The following KDM1A variants were observed in gnomAD, a reference collection of about 807,000 sequenced individuals.
The protein encoded by KDM1A is lysine demethylase 1A, also known as lysine-specific histone demethylase 1A.
A neutral mutation model predicts 109.4 loss-of-function variants in KDM1A; 49 were observed. That is an observed-to-expected ratio of 0.45 (90% CI 0.36 to 0.57). The LOEUF is 0.57. Ranked by LOEUF, KDM1A falls within the 20% of genes least tolerant of loss-of-function variation. The pLI, the probability that KDM1A is intolerant of heterozygous loss-of-function variation, is 0.00. For missense variants in KDM1A, 668 were observed against 1,116.6 expected (o/e 0.60, Z 5.73); for synonymous variants, 380 against 415.4 (o/e 0.91, Z 1.04).
intron 12 of KDM1A, among the ~76,000 whole-genome samples, chr1:23,070,807 C>CAA (rs375171669): frequency 2.5e-5 from 3 of 120,214 alleles, no homozygotes; most frequent in African/African-American, 3.1e-5. Context: ...GACTCTGTCT[C>CAA]AAAAAAAAAA....
intron 9 of KDM1A, among the ~76,000 whole-genome samples, chr1:23,060,412 G>A (rs920424900): frequency 1.6e-4 from 25 of 152,144 alleles, no homozygotes; most frequent in African/African-American, 6.0e-4. Flanking sequence ...GAGTCCAGGG[G>A]AAGTCTGGAG....
At chr1:23,028,853 G>A (rs921561011) in intron 1 of KDM1A, among the ~76,000 whole-genome samples, 2 of 152,082 alleles carry the variant, frequency 1.3e-5, no homozygotes, top group Admixed American at 1.3e-4. Flanking sequence ...ACCTGATCAG[G>A]ATCATTTAAT....
intron 5 of KDM1A, 147 bp from the exon 6 acceptor site, chr1:23,054,922 C>A: frequency 3.5e-6 from 2 of 570,416 alleles, no homozygotes; most frequent in East Asian, 5.7e-5. Flanking sequence ...CCACCGTGCC[C>A]AGCCTTAGAA....
At chr1:23,076,693 C>T (rs528175174) in intron 15 of KDM1A, among the ~76,000 whole-genome samples, 70 of 152,048 alleles carry the variant, frequency 4.6e-4, no homozygotes, top group Non-Finnish European at 6.5e-4. Context: ...CAGGGAAGGC[C>T]GAGCGTGGTG....
At chr1:23,029,995 T>C (rs1026053590) in intron 1 of KDM1A, among the ~76,000 whole-genome samples, 1 of 152,242 alleles carries the variant, frequency 6.6e-6, no homozygotes, top group African/African-American at 2.4e-5. Context: ...AGTTTGACTG[T>C]TGTTATTTTC....
rs1642628792 is a variant in KDM1A at position 23,050,325 on chromosome 1, C to T, written c.578-62C>T. On this transcript the variant is annotated intron_variant, in intron 3 of 20. Transcript: ENST00000400181. ...GAGTGAGGCAAAGGAATTTAAGCGT[C>T]ATCACTACCCGTTTTGTATTCACTT... 5.4e-6 allele frequency: 8 copies of T among 1,491,358 alleles called. No individual in the cohort carries two copies. The East Asian group carries it at 2.0e-4, about 37-fold the overall frequency. 92.4% of individuals were successfully genotyped at this position (1,491,358 alleles called of 1,614,324 possible).
chr1:23,082,019 ATGGAGG>A, intron 19 of KDM1A, 195 bp from the exon 20 acceptor site: 2 of 547,426 alleles, frequency 3.7e-6, no homozygotes, highest in African/African-American at 1.9e-5. Flanking sequence ...GGAAGGCAAC[ATGGAGG>A]GGCATCCTTC....
At chr1:23,026,252 G>GT (rs1181064106) in intron 1 of KDM1A, among the ~76,000 whole-genome samples, 8 of 151,460 alleles carry the variant, frequency 5.3e-5, no homozygotes, top group South Asian at 4.2e-4. Flanking sequence ...AAGGGAGAAA[G>GT]TTTTTTTTTA....
chr1:23,039,254 A>C (rs1396242362), intron 2 of KDM1A, among the ~76,000 whole-genome samples: 1 of 152,180 alleles, frequency 6.6e-6, no homozygotes, highest in Non-Finnish European at 1.5e-5. Context: ...AAAACCCTAG[A>C]GTCATCCTGA....
intron 14 of KDM1A, among the ~76,000 whole-genome samples, chr1:23,072,429 C>T (rs181761371): frequency 2.2e-4 from 33 of 152,244 alleles, no homozygotes; most frequent in African/African-American, 6.5e-4. Flanking sequence ...AGCCTTTCTC[C>T]GTAAGATCTG....
intron 10 of KDM1A, among the ~76,000 whole-genome samples, chr1:23,067,413 G>A (rs1202184073): frequency 6.6e-6 from 1 of 152,180 alleles, no homozygotes; most frequent in Non-Finnish European, 1.5e-5. Context: ...AGAGGCCAGG[G>A]TTCAAAATCG....
At chr1:23,052,476 AGC>A in intron 4 of KDM1A, among the ~76,000 whole-genome samples, 1 of 152,212 alleles carries the variant, frequency 6.6e-6, no homozygotes, top group Non-Finnish European at 1.5e-5. Context: ...ATTTACATAT[AGC>A]CAAATTAATT....
intron 2 of KDM1A, among the ~76,000 whole-genome samples, chr1:23,032,080 G>T (rs958025023): frequency 3.3e-5 from 5 of 151,066 alleles, no homozygotes; most frequent in Admixed American, 2.0e-4. Flanking sequence ...GTTCTTTTTG[G>T]TTCTTACCTT....
At chr1:23,056,067 T>G (rs1642820874) in intron 7 of KDM1A, 29 bp downstream of exon 7, 1 of 1,431,504 alleles carries the variant, frequency 7.0e-7, no homozygotes, top group Non-Finnish European at 9.8e-7. Context: ...GTTTAGAGGC[T>G]TGACCTATTG....
chr1:23,069,216 T>G, intron 12 of KDM1A, 65 bp downstream of exon 12: 2 of 1,025,002 alleles, frequency 2.0e-6, no homozygotes, highest in Non-Finnish European at 2.9e-6. Context: ...TTTAGAAATT[T>G]TAAAAGCATT....
chr1:23,054,710 A>G (rs1435921576), intron 5 of KDM1A, among the ~76,000 whole-genome samples: 1 of 152,102 alleles, frequency 6.6e-6, no homozygotes, highest in Non-Finnish European at 1.5e-5. Context: ...CCCTGTAGCT[A>G]GGAACTCCTG....
At chr1:23,042,433 ATATAT>A (rs1478399929) in intron 2 of KDM1A, among the ~76,000 whole-genome samples, 17 of 43,482 alleles carry the variant, frequency 3.9e-4, no homozygotes, top group African/African-American at 1.6e-3. Flanking sequence ...AATCTATGAA[ATATAT>A]TATTTTTTTT....
chr1:23,026,178 C>T (rs1237598527), intron 1 of KDM1A, among the ~76,000 whole-genome samples: 1 of 152,146 alleles, frequency 6.6e-6, no homozygotes, highest in African/African-American at 2.4e-5. Context: ...ACGTTCATAT[C>T]TGTTAAGCTA....
intron 9 of KDM1A, among the ~76,000 whole-genome samples, chr1:23,063,470 G>A (rs912900121): frequency 1.6e-4 from 24 of 152,092 alleles, no homozygotes; most frequent in Non-Finnish European, 2.8e-4. Flanking sequence ...GTGGTGCTTA[G>A]GTTAGTATGC....
Sources: gnomAD v4.1 joint callset for allele counts (sites outside exome capture counted in the v4.1 genomes callset) on GRCh38, gnomAD v4.1.1 for gene constraint, MANE v1.5 for transcripts, NCBI Gene and HGNC (gene_info 2026-07-23, HGNC 2026-07-21) for gene names.